Variants in MB21D2 observed in about 807,000 individuals in gnomAD.
MB21D2 encodes the protein nucleotidyltransferase MB21D2.
MB21D2 carries 9 observed loss-of-function variants against 33.3 expected under a neutral mutation model. That is an observed-to-expected ratio of 0.27 (90% CI 0.16 to 0.47). The LOEUF (loss-of-function observed/expected upper bound fraction) is 0.47. Ranked by LOEUF, MB21D2 falls within the 20% of genes least tolerant of loss-of-function variation. The probability of loss-of-function intolerance (pLI) is 0.99; values close to 1 mark genes in which losing one functional copy is unlikely to be tolerated. For missense variants in MB21D2, 540 were observed against 624.6 expected, an observed-to-expected ratio of 0.86 and a Z score of 1.44; for synonymous variants, 241 against 236.3, an observed-to-expected ratio of 1.02 and a Z score of -0.18.
intron 1 of MB21D2, among the ~76,000 whole-genome samples, chr3:192,879,117 G>C (rs1713505359): frequency 1.3e-5 from 2 of 152,180 alleles, no homozygotes; most frequent in African/African-American, 4.8e-5. Context: ...AATTCACACT[G>C]ATTCTAAAAT....
intron 1 of MB21D2, among the ~76,000 whole-genome samples, chr3:192,887,862 G>T (rs1258844950): frequency 2.0e-5 from 3 of 151,998 alleles, no homozygotes; most frequent in African/African-American, 4.8e-5. Context: ...GGGACCTTGT[G>T]GAGATGCAGT....
chr3:192,915,596 C>T (rs1374400943), intron 1 of MB21D2, among the ~76,000 whole-genome samples: 1 of 152,222 alleles, frequency 6.6e-6, no homozygotes, highest in Non-Finnish European at 1.5e-5. Flanking sequence ...AGAAAGACTG[C>T]TTGCAAGGTC....
chr3:192,888,855 G>T (rs561823328), intron 1 of MB21D2, among the ~76,000 whole-genome samples: 1 of 152,172 alleles, frequency 6.6e-6, no homozygotes, highest in Non-Finnish European at 1.5e-5. Flanking sequence ...AGGAGAAGGT[G>T]CTACCCTCTT....
intron 1 of MB21D2, among the ~76,000 whole-genome samples, chr3:192,809,717 T>C (rs760472772): frequency 8.5e-5 from 13 of 152,122 alleles, no homozygotes; most frequent in Non-Finnish European, 1.9e-4. Flanking sequence ...TATGAGCAAA[T>C]GGGTCAAGGA....
chr3:192,808,059 T>C (rs569533468), intron 1 of MB21D2, among the ~76,000 whole-genome samples: 39 of 152,228 alleles, frequency 2.6e-4, no homozygotes, highest in African/African-American at 8.9e-4. Context: ...GTCACTCTGC[T>C]GGAGGAAAAG....
At chr3:192,826,605 T>C (rs1287140332) in intron 1 of MB21D2, among the ~76,000 whole-genome samples, 1 of 152,236 alleles carries the variant, frequency 6.6e-6, no homozygotes, top group African/African-American at 2.4e-5. Context: ...TTAATAAAAG[T>C]CAACCCTAAA....
chr3:192,878,326 C>T (rs189294578), intron 1 of MB21D2, among the ~76,000 whole-genome samples: 239 of 152,238 alleles, frequency 1.6e-3, no homozygotes, highest in Non-Finnish European at 2.2e-3. Flanking sequence ...AATTCAGTGG[C>T]AGGACTAAGT....
At chr3:192,863,968 C>G (rs1274941947) in intron 1 of MB21D2, among the ~76,000 whole-genome samples, 1 of 152,078 alleles carries the variant, frequency 6.6e-6, no homozygotes, top group East Asian at 1.9e-4. Context: ...TTACAGCAAC[C>G]TGAATGGACT....
chr3:192,808,868 G>A (rs192280948), intron 1 of MB21D2, among the ~76,000 whole-genome samples: 52 of 152,254 alleles, frequency 3.4e-4, no homozygotes, highest in East Asian at 2.7e-3. Context: ...TCCTCCAGCC[G>A]ACTTCACCAG....
rs544455661 is a variant in MB21D2, at chr3:192,871,008, T to C, written c.211+46622A>G. Among the ~76,000 whole-genome samples, 46 of 152,328 alleles carry C rather than the reference T, an allele frequency of 3.0e-4. 1 individual carries two copies. Among genetic ancestry groups the C allele is most frequent in the South Asian group, 1.4e-3 (7 of 4,828 alleles). On this transcript the variant is annotated intron_variant, in intron 1 of 1. Coordinates refer to ENST00000392452, the MANE Select transcript of MB21D2 (RefSeq NM_178496.4). ...ATTGTTGTTGTCATCACAAATGTTA[T>C]CTGAATTGTAACATGGGGATAAGGA...
chr3:192,901,355 G>A (rs951898150), intron 1 of MB21D2, among the ~76,000 whole-genome samples: 1 of 139,952 alleles, frequency 7.1e-6, no homozygotes, highest in South Asian at 2.3e-4. Context: ...AGATCACGAG[G>A]TCAGGAGATC....
chr3:192,906,066 T>A (rs796911615), intron 1 of MB21D2, among the ~76,000 whole-genome samples: 12 of 152,294 alleles, frequency 7.9e-5, no homozygotes, highest in African/African-American at 2.9e-4. Flanking sequence ...GAAAGCATTT[T>A]GTAAATTGTG....
intron 1 of MB21D2, among the ~76,000 whole-genome samples, chr3:192,889,945 T>G (rs1018356594): frequency 2.6e-5 from 4 of 151,536 alleles, no homozygotes; most frequent in Non-Finnish European, 4.4e-5. Flanking sequence ...AAAAAAAAAA[T>G]CCAACGGTAG....
chr3:192,816,780 C>T (rs776687159), intron 1 of MB21D2, among the ~76,000 whole-genome samples: 3 of 152,118 alleles, frequency 2.0e-5, no homozygotes, highest in Non-Finnish European at 4.4e-5. Context: ...ATTTAGGATA[C>T]AGGCACGCTT....
At chr3:192,915,773 G>A (rs983650579) in intron 1 of MB21D2, among the ~76,000 whole-genome samples, 1 of 152,118 alleles carries the variant, frequency 6.6e-6, no homozygotes, top group East Asian at 1.9e-4. Context: ...AAGCACAGAA[G>A]TTCCTCATGA....
intron 1 of MB21D2, among the ~76,000 whole-genome samples, chr3:192,820,900 G>T (rs1461034260): frequency 6.6e-6 from 1 of 152,056 alleles, no homozygotes; most frequent in Non-Finnish European, 1.5e-5. Flanking sequence ...GAGTAATCAG[G>T]ACTACAGGCG....
intron 1 of MB21D2, among the ~76,000 whole-genome samples, chr3:192,885,973 T>C (rs1392942924): frequency 3.3e-5 from 5 of 152,112 alleles, no homozygotes; most frequent in East Asian, 1.9e-4. Flanking sequence ...AATTTTTTTT[T>C]CTTTGGAGAT....
chr3:192,827,061 A>AT (rs1712188448), intron 1 of MB21D2, among the ~76,000 whole-genome samples: 1 of 151,768 alleles, frequency 6.6e-6, no homozygotes, highest in Non-Finnish European at 1.5e-5. Context: ...CGTCCGGCTA[A>AT]TTTTTTGTAT....
rs113282486 is a variant in MB21D2, at chr3:192,805,209, G to A, written c.212-5559C>T. Among the ~76,000 whole-genome samples, 485 of 152,332 alleles carry A rather than the reference G, an allele frequency of 3.2e-3. 3 individuals are homozygous for A. Among genetic ancestry groups the A allele is most frequent in the African/African-American group, 0.011 (470 of 41,578 alleles). On this transcript the variant is annotated intron_variant, in intron 1 of 1. Coordinates refer to ENST00000392452, the MANE Select transcript of MB21D2 (RefSeq NM_178496.4). ...TTCATTTTTATTGGTCAAATCTTTA[G>A]TGGGACCTGGGACAACTGGCAGAAC...
Sources: allele counts gnomAD v4.1 joint callset (sites outside exome capture counted in the v4.1 genomes callset), GRCh38; gene constraint gnomAD v4.1.1; transcripts MANE v1.5; gene names NCBI Gene and HGNC (gene_info 2026-07-23, HGNC 2026-07-21).